The following DIP2A variants were observed in gnomAD, a reference collection of about 807,000 sequenced individuals.
DIP2A encodes DIP2 acetate--CoA ligase A.
DIP2A carries 85 observed loss-of-function variants against 177.4 expected under a neutral mutation model. That is an observed-to-expected ratio of 0.48 (90% CI 0.40 to 0.57). The LOEUF is 0.57. DIP2A is among the 20% of genes least tolerant of loss of function. The probability of loss-of-function intolerance (pLI) is 0.00; values close to 1 mark genes in which losing one functional copy is unlikely to be tolerated. For missense variants in DIP2A, 1,791 were observed against 2,100.2 expected (o/e 0.85, Z 2.88); for synonymous variants, 886 against 881.8 (o/e 1.00, Z -0.08).
At chr21:46,514,200 C>T (rs965597210) in intron 8 of DIP2A, among the ~76,000 whole-genome samples, 4 of 151,830 alleles carry the variant, frequency 2.6e-5, no homozygotes, top group Admixed American at 6.6e-5. Context: ...TTTGGGAGGC[C>T]GAGGCAGGCG....
At chr21:46,536,232 G>A (rs898445123) in intron 13 of DIP2A, among the ~76,000 whole-genome samples, 4 of 152,236 alleles carry the variant, frequency 2.6e-5, no homozygotes, top group African/African-American at 4.8e-5. Context: ...GGCCTTTGGC[G>A]AGAAGCCAGG....
At chr21:46,504,949 C>T (rs989125897) in intron 6 of DIP2A, among the ~76,000 whole-genome samples, 2 of 152,226 alleles carry the variant, frequency 1.3e-5, no homozygotes, top group African/African-American at 4.8e-5. Flanking sequence ...TTCCCATGTG[C>T]AGGCTCAGAG....
chr21:46,465,115 C>G (rs2054695004), intron 1 of DIP2A, among the ~76,000 whole-genome samples: 1 of 152,068 alleles, frequency 6.6e-6, no homozygotes, highest in African/African-American at 2.4e-5. Context: ...TTATTTTGAA[C>G]CTTCCTTGAT....
At position 46,524,876 on chromosome 21, in the gene DIP2A, T is replaced by C. The variant is rs1286517984; in HGVS notation, c.1103-4216T>C. 1.8e-3 allele frequency among the ~76,000 whole-genome samples: 61 copies of C among 33,074 alleles called. 1 individual carries two copies. The highest frequency in any genetic ancestry group is 0.012 in the African/African-American group (60 of 5,054). The allele number at this position is 33,074 out of a possible 152,430, so 21.7% of individuals were successfully genotyped here. On this transcript the variant is annotated intron_variant, in intron 8 of 37. Coordinates refer to ENST00000417564, the MANE Select transcript of DIP2A (RefSeq NM_015151.4). ...TTTTATGATTTTTGCTTTTTGCTTTTTTTTTTTTTTTTTTTTTTTTTTTTT... is the reference window on the plus strand; with the variant it reads ...TTTTATGATTTTTGCTTTTTGCTTTCTTTTTTTTTTTTTTTTTTTTTTTTT...
rs5844275 is a variant in DIP2A at position 46,463,680 on chromosome 21, T to TTGTGTGTGTGTGTGTGTGTGTGTG, written c.91+4474_91+4497dup. Reference sequence around the variant, plus strand: ...TTAATTTCTAAAATCTGGGATATATTTGTGTGTGTGTGTGTGTGTGTGTGT... The same window carrying TTGTGTGTGTGTGTGTGTGTGTGTG: ...TTAATTTCTAAAATCTGGGATATATTTGTGTGTGTGTGTGTGTGTGTGTGTGTGTGTGTGTGTGTGTGTGTGTGT... On this transcript the variant is annotated intron_variant, in intron 1 of 37. Coordinates refer to ENST00000417564, the MANE Select transcript of DIP2A (RefSeq NM_015151.4). 3.9e-3 allele frequency among the ~76,000 whole-genome samples: 509 copies of TTGTGTGTGTGTGTGTGTGTGTGTG among 131,010 alleles called. 2 individuals carry two copies. Among genetic ancestry groups the TTGTGTGTGTGTGTGTGTGTGTGTG allele is most frequent in the Non-Finnish European group, 6.1e-3 (378 of 62,172 alleles). 85.9% of individuals were successfully genotyped at this position (131,010 alleles called of 152,430 possible).
chr21:46,539,374 A>G (rs2059709104), intron 16 of DIP2A: 1 of 183,040 alleles, frequency 5.5e-6, no homozygotes, highest in South Asian at 1.1e-4. Context: ...AGGTCACCCC[A>G]CCTTTGAGCA....
At chr21:46,489,882 T>C (rs1404050372) in intron 2 of DIP2A, among the ~76,000 whole-genome samples, 1 of 152,164 alleles carries the variant, frequency 6.6e-6, no homozygotes, top group Non-Finnish European at 1.5e-5. Context: ...CTCACCGTAA[T>C]GTGTCTTGAG....
At position 46,533,508 on chromosome 21, in the gene DIP2A, A is replaced by C. The variant is rs1213438196; in HGVS notation, c.1306-16A>C. 1.9e-6 allele frequency: 3 copies of C among 1,611,376 alleles called. No homozygotes were observed. The highest frequency in any genetic ancestry group is 1.1e-5 in the South Asian group (1 of 90,696). ...TGTGAGCACCCCACCCCACACGGTCACTCTGCTTTCTGCAGGATGCAGGCA... is the reference window on the plus strand; with the variant it reads ...TGTGAGCACCCCACCCCACACGGTCCCTCTGCTTTCTGCAGGATGCAGGCA... On this transcript the variant is annotated splice_polypyrimidine_tract_variant and intron_variant, in intron 10 of 37. Coordinates refer to ENST00000417564, the MANE Select transcript of DIP2A (RefSeq NM_015151.4).
At chr21:46,490,492 A>T (rs2056949343) in intron 2 of DIP2A, 108 bp from the exon 3 acceptor site, 2 of 1,311,082 alleles carry the variant, frequency 1.5e-6, no homozygotes, top group Non-Finnish European at 2.1e-6. Context: ...AGGCTCTTTG[A>T]TAGAGGGTAT....
At chr21:46,535,806 A>G (rs7283559) in intron 13 of DIP2A, among the ~76,000 whole-genome samples, 45,078 of 152,042 alleles carry the variant, frequency 0.3, 7,048 homozygotes, top group Middle Eastern at 0.38. Context: ...GCCAGGCGTG[A>G]TGATGTGTGC....
chr21:46,545,378 T>C, intron 19 of DIP2A, 105 bp downstream of exon 19: 1 of 1,362,318 alleles, frequency 7.3e-7, no homozygotes. Context: ...GCGGGGATGG[T>C]CTCCTTCCAC....
In DIP2A at chr21:46,556,934, T is replaced by C; in HGVS notation, c.3499-5T>C. 6.4e-7 allele frequency: 1 copy of C among 1,553,108 alleles called. No individual in the cohort carries two copies. The highest frequency in any genetic ancestry group is 8.7e-7 in the Non-Finnish European group (1 of 1,146,402). On this transcript the variant is annotated splice_polypyrimidine_tract_variant and splice_region_variant and intron_variant, in intron 29 of 37. Coordinates refer to ENST00000417564, the MANE Select transcript of DIP2A (RefSeq NM_015151.4). The surrounding 1 kb of genome is among the most constrained non-coding windows in gnomAD (Gnocchi z 4.5). ...TTTTTTTTTGAACTTTATTTTACTC[T>C]TAAGATGTCGCACGCGGCCACAAGC...
intron 8 of DIP2A, among the ~76,000 whole-genome samples, chr21:46,516,001 A>G (rs1254769218): frequency 6.6e-6 from 1 of 151,978 alleles, no homozygotes; most frequent in African/African-American, 2.4e-5. Context: ...TGGCAACTTC[A>G]TTTTTGAAGG....
chr21:46,533,790 T>C (rs2059446378), intron 11 of DIP2A, 143 bp downstream of exon 11: 1 of 1,321,334 alleles, frequency 7.6e-7, no homozygotes, highest in African/African-American at 1.5e-5. Flanking sequence ...TGAATCTCGG[T>C]TTTCATCTGG....
chr21:46,554,558 A>T lies in DIP2A; in HGVS notation c.3155-17A>T. ...TCTTGCGGCCGGCCTCCTCACAGCC[A>T]GTCCTTGTCTCCACAGGGGTGGACC... is the stretch of plus-strand genomic sequence containing the variant. On this transcript the variant is annotated splice_polypyrimidine_tract_variant and intron_variant, in intron 26 of 37. Coordinates refer to ENST00000417564, the MANE Select transcript of DIP2A (RefSeq NM_015151.4). The T allele has an allele frequency of 6.2e-7, 1 of 1,609,734 alleles. No homozygotes were observed. Among genetic ancestry groups the T allele is most frequent in the Non-Finnish European group, 8.5e-7 (1 of 1,178,186 alleles).
rs779992121 is a variant in DIP2A, at chr21:46,557,709, G to A, written c.3754G>A (p.Glu1252Lys). 1.9e-6 allele frequency: 3 copies of A among 1,613,576 alleles called. No homozygotes were observed. Among genetic ancestry groups the A allele is most frequent in the South Asian group, 1.1e-5 (1 of 91,058 alleles). Reference protein sequence around the residue: ...RVTFCSYSVMEMCTKGLGAQT... With the variant: ...RVTFCSYSVMKMCTKGLGAQT... Reference sequence around the variant, plus strand: ...CACCTTCTGCTCCTACTCTGTGATGGAGATGTGCACCAAGGGCCTAGGCGC... The same window carrying A: ...CACCTTCTGCTCCTACTCTGTGATGAAGATGTGCACCAAGGGCCTAGGCGC... The change falls in exon 31 of 38, where the codon GAG becomes AAG. Residue 1252 changes from glutamate to lysine, a missense_variant. Glu to Lys is a moderately conservative substitution (Grantham distance 56). Transcript: ENST00000417564. This position sits in a 1 kb window ranked among gnomAD's most constrained non-coding sequence, Gnocchi z 6.0.
At chr21:46,462,723 A>G (rs746779669) in intron 1 of DIP2A, 3 of 152,222 alleles carry the variant, frequency 2.0e-5, no homozygotes, top group African/African-American at 7.2e-5. Flanking sequence ...TTGGAAGAAG[A>G]AGCTTAACAG....
At chr21:46,511,381 G>A in intron 7 of DIP2A, 36 bp from the exon 8 acceptor site, 2 of 1,563,022 alleles carry the variant, frequency 1.3e-6, no homozygotes, top group Non-Finnish European at 8.7e-7. Flanking sequence ...GTGGTGCTCT[G>A]AATTGCTGAT....
At chr21:46,548,471 C>A (rs1363021854) in intron 21 of DIP2A, among the ~76,000 whole-genome samples, 1 of 152,084 alleles carries the variant, frequency 6.6e-6, no homozygotes, top group African/African-American at 2.4e-5. Context: ...GGAACCACAA[C>A]CAATTGAGAG....
Sources: allele counts gnomAD v4.1 joint callset (sites outside exome capture counted in the v4.1 genomes callset), GRCh38; gene constraint gnomAD v4.1.1; non-coding constraint Gnocchi (gnomAD v3.1); transcripts MANE v1.5; gene names NCBI Gene and HGNC (gene_info 2026-07-23, HGNC 2026-07-21).